Variants in CYP27C1 observed in about 807,000 individuals in gnomAD.
The protein encoded by CYP27C1 is cytochrome P450 27C1.
Under a neutral mutation model 40.6 loss-of-function variants are expected in CYP27C1, and 29 were observed. The observed-to-expected ratio is 0.71, with a 90% CI of 0.53 to 0.97. CYP27C1 has a LOEUF of 0.97. Among genes scored for constraint, CYP27C1 ranks in the 50% least tolerant of loss-of-function variants. The pLI is 0.00. For missense variants in CYP27C1, 390 were observed against 485.8 expected, an observed-to-expected ratio of 0.80 and a Z score of 1.85; for synonymous variants, 198 against 186.8, an observed-to-expected ratio of 1.06 and a Z score of -0.49.
Position 127,201,896 on chromosome 2 carries a change from G to T in CYP27C1, c.674-565C>A, listed in dbSNP as rs749524189. On this transcript the variant is annotated intron_variant, in intron 3 of 8. Transcript: ENST00000664447. The surrounding 1 kb of genome is among the most constrained non-coding windows in gnomAD (Gnocchi z 6.0). Reference sequence around the variant, plus strand: ...GAGAGCTAAAGGCGCAGCAGAAGTGGCCTGGATGAATCCGTGTCGGGCAGA... The same window carrying T: ...GAGAGCTAAAGGCGCAGCAGAAGTGTCCTGGATGAATCCGTGTCGGGCAGA... Among the ~76,000 whole-genome samples, 1 of 152,204 alleles carries T rather than the reference G, an allele frequency of 6.6e-6. No individual in the cohort carries two copies. The highest frequency in any genetic ancestry group is 1.5e-5 in the Non-Finnish European group (1 of 68,042).
At chr2:127,187,482 G>C in intron 8 of CYP27C1, 95 bp from the exon 9 acceptor site, 1 of 1,117,246 alleles carries the variant, frequency 9.0e-7, no homozygotes, top group Admixed American at 1.9e-5. Context: ...GGCGGCACTG[G>C]GCTGCAGAGA....
In CYP27C1 at chr2:127,218,936, C is replaced by T. The variant is rs1415793961; in HGVS notation, c.282+1053G>A. On this transcript the variant is annotated intron_variant, in intron 1 of 8. Coordinates refer to ENST00000664447, the MANE Select transcript of CYP27C1 (RefSeq NM_001367502.1). This position sits in a 1 kb window ranked among gnomAD's most constrained non-coding sequence, Gnocchi z 6.0. ...ACGGAGGTGGGCGTGGGAAGGACAGCACTCAGGCTCCAAGTGGGAAGCGTG... is the reference window on the plus strand; with the variant it reads ...ACGGAGGTGGGCGTGGGAAGGACAGTACTCAGGCTCCAAGTGGGAAGCGTG... Among the ~76,000 whole-genome samples, 3 of 152,204 alleles carry T rather than the reference C, an allele frequency of 2.0e-5. No homozygotes were observed. The highest frequency in any genetic ancestry group is 6.5e-5 in the Admixed American group (1 of 15,292).
At position 127,187,295 on chromosome 2, in the gene CYP27C1, G is replaced by A. The variant is rs1382872228; in HGVS notation, c.1590C>T (p.His530=). ...HGLLTPGGPI[H]VRFVNRK ...CTTACTTTCTGTTAACAAATCGCAC[G>A]TGGATGGGCCCCCCTGGCGTCAGGA... The change falls in exon 9 of 9, where the codon CAC becomes CAT. Residue 530 remains histidine, a synonymous_variant. Transcript: ENST00000664447. 8 of 1,614,160 alleles carry A rather than the reference G, an allele frequency of 5.0e-6. No individual in the cohort carries two copies. The highest frequency in any genetic ancestry group is 6.8e-6 in the Non-Finnish European group (8 of 1,180,014).
chr2:127,204,488 G>GAAAGAAA (rs1454218386), intron 2 of CYP27C1, among the ~76,000 whole-genome samples: 1 of 46,734 alleles, frequency 2.1e-5, no homozygotes, highest in Non-Finnish European at 4.2e-5. Context: ...AAGAAAGAAA[G>GAAAGAAA]GAAGGAAGGA....
chr2:127,193,043 C>T (rs768982962), intron 8 of CYP27C1, 51 bp downstream of exon 8: 2 of 1,599,676 alleles, frequency 1.3e-6, no homozygotes, highest in African/African-American at 1.3e-5. Flanking sequence ...CTGTTGTGCC[C>T]AGTAGAAAGA....
At chr2:127,197,947 C>T (rs964416156) in intron 5 of CYP27C1, among the ~76,000 whole-genome samples, 4 of 152,056 alleles carry the variant, frequency 2.6e-5, no homozygotes, top group Non-Finnish European at 4.4e-5. Flanking sequence ...GCTCTGTGTT[C>T]GCACAGTCAC....
At chr2:127,193,668 T>C in intron 7 of CYP27C1, 121 bp downstream of exon 7, 2 of 1,067,366 alleles carry the variant, frequency 1.9e-6, no homozygotes, top group Non-Finnish European at 2.8e-6. Context: ...TTAAAATACA[T>C]GCAAAAGAAA....
chr2:127,193,547 G>A (rs532455976), intron 7 of CYP27C1, among the ~76,000 whole-genome samples: 16 of 152,280 alleles, frequency 1.1e-4, no homozygotes, highest in African/African-American at 3.9e-4. Flanking sequence ...ACTTCCACAC[G>A]GCCTGGGGAG....
At chr2:127,190,134 AT>A (rs1044796944) in intron 8 of CYP27C1, among the ~76,000 whole-genome samples, 1 of 151,920 alleles carries the variant, frequency 6.6e-6, no homozygotes, top group African/African-American at 2.4e-5. Context: ...CACTGATTCG[AT>A]ATCTTAGGTC....
intron 2 of CYP27C1, 123 bp downstream of exon 2, chr2:127,205,777 C>T: frequency 1.0e-6 from 1 of 984,678 alleles, no homozygotes; most frequent in South Asian, 4.7e-5. Flanking sequence ...TGTCTGATAT[C>T]ATTCCATGGG....
rs935824124 is a variant in CYP27C1 at position 127,196,153 on chromosome 2, C to T, written c.1048-652G>A. Among the ~76,000 whole-genome samples, 4 of 152,060 alleles carry T rather than the reference C, an allele frequency of 2.6e-5. No homozygotes were observed. The highest frequency in any genetic ancestry group is 5.9e-5 in the Non-Finnish European group (4 of 68,004). On this transcript the variant is annotated intron_variant, in intron 5 of 8. Transcript: ENST00000664447. This position sits in a 1 kb window ranked among gnomAD's most constrained non-coding sequence, Gnocchi z 4.5. ...TCTCGGCTCACTGCAAGCTCTGCCTCCCGGGTTCATGCCATTCTCCTGCCT... is the reference window on the plus strand; with the variant it reads ...TCTCGGCTCACTGCAAGCTCTGCCTTCCGGGTTCATGCCATTCTCCTGCCT...
Position 127,187,116 on chromosome 2 carries a change from A to C in CYP27C1, c.*155T>G, listed in dbSNP as rs995912992. 1 of 665,858 alleles carries C rather than the reference A, an allele frequency of 1.5e-6. No homozygotes were observed. The highest frequency in any genetic ancestry group is 2.7e-6 in the Non-Finnish European group (1 of 374,288). 41.2% of individuals were successfully genotyped at this position (665,858 alleles called of 1,614,324 possible). A position where few individuals can be genotyped will look rare whatever the true frequency, so the allele number is the denominator to read the frequency against. On this transcript the variant is annotated 3_prime_UTR_variant, in exon 9 of 9. Transcript: ENST00000664447. ...AACCTTTTTACATTACTTTGCATAAAGATTTACAAGTGTCCCAGGACCTGG... is the reference window on the plus strand; with the variant it reads ...AACCTTTTTACATTACTTTGCATAACGATTTACAAGTGTCCCAGGACCTGG...
In CYP27C1 at chr2:127,195,913, G is replaced by A. The variant is rs976086778; in HGVS notation, c.1048-412C>T. On this transcript the variant is annotated intron_variant, in intron 5 of 8. Coordinates refer to ENST00000664447, the MANE Select transcript of CYP27C1 (RefSeq NM_001367502.1). This position sits in a 1 kb window ranked among gnomAD's most constrained non-coding sequence, Gnocchi z 6.2. The stretch of plus-strand genomic sequence containing the variant: ...CAGAAAGGGCCTCAGGCTGCCCCCC[G>A]GCATCCCCAGGATGCTGGGCCCGGC... Among the ~76,000 whole-genome samples the A allele has an allele frequency of 6.6e-6, 1 of 152,108 alleles. No homozygotes were observed. Among genetic ancestry groups the A allele is most frequent in the East Asian group, 1.9e-4 (1 of 5,176 alleles).
Position 127,208,445 on chromosome 2 carries a change from T to C in CYP27C1, c.283-2355A>G, listed in dbSNP as rs989579874. On this transcript the variant is annotated intron_variant, in intron 1 of 8. Coordinates refer to ENST00000664447, the MANE Select transcript of CYP27C1 (RefSeq NM_001367502.1). This position sits in a 1 kb window ranked among gnomAD's most constrained non-coding sequence, Gnocchi z 5.2. ...GCATCCCAACCCTGGTATGCACAGA[T>C]TCCTACAGCCTCTCAGCTGGAATCT... Among the ~76,000 whole-genome samples, 1 of 152,264 alleles carries C rather than the reference T, an allele frequency of 6.6e-6. No homozygotes were observed. Among genetic ancestry groups the C allele is most frequent in the East Asian group, 1.9e-4 (1 of 5,168 alleles).
chr2:127,211,974 G>T (rs1316861015), intron 1 of CYP27C1, among the ~76,000 whole-genome samples: 1 of 152,098 alleles, frequency 6.6e-6, no homozygotes, highest in Non-Finnish European at 1.5e-5. Flanking sequence ...AATAAAAAAT[G>T]ATAAAGGGGA....
At chr2:127,204,476 GAAAGA>G (rs1683139977) in intron 2 of CYP27C1, among the ~76,000 whole-genome samples, 4 of 66,090 alleles carry the variant, frequency 6.1e-5, no homozygotes, top group Admixed American at 4.0e-4. Context: ...AAGAAAGAAA[GAAAGA>G]AAGAAAGGAA....
chr2:127,197,790 C>T (rs1225637887), intron 5 of CYP27C1, among the ~76,000 whole-genome samples: 1 of 152,036 alleles, frequency 6.6e-6, no homozygotes, highest in South Asian at 2.1e-4. Context: ...ACCTACACGG[C>T]GATCATTTTC....
At chr2:127,213,645 C>T (rs1683375314) in intron 1 of CYP27C1, among the ~76,000 whole-genome samples, 1 of 152,158 alleles carries the variant, frequency 6.6e-6, no homozygotes, top group Non-Finnish European at 1.5e-5. Flanking sequence ...CCCTTCCTTA[C>T]ACCTTATACA....
intron 1 of CYP27C1, among the ~76,000 whole-genome samples, chr2:127,214,782 GTTT>G (rs57262340): frequency 2.6e-4 from 24 of 92,412 alleles, no homozygotes; most frequent in African/African-American, 6.6e-4. Context: ...TCCGTTTTTT[GTTT>G]TTTTTTTTTT....
Sources: allele counts gnomAD v4.1 joint callset (sites outside exome capture counted in the v4.1 genomes callset), GRCh38; gene constraint gnomAD v4.1.1; non-coding constraint Gnocchi (gnomAD v3.1); transcripts MANE v1.5; gene names NCBI Gene and HGNC (gene_info 2026-07-23, HGNC 2026-07-21).